The following B4GALNT2 variants were observed in gnomAD, a reference collection of about 807,000 sequenced individuals.
B4GALNT2 encodes beta-1,4-N-acetyl-galactosaminyltransferase 2 (SID blood group), also known as N-acetylneuraminylgalactosylglucosyl-glucoside beta-1,4-N- acetylgalactosaminyltransferase 2.
Under a neutral mutation model 51.1 loss-of-function variants are expected in B4GALNT2, and 42 were observed. That is an observed-to-expected ratio of 0.82 (90% CI 0.64 to 1.06). B4GALNT2 has a LOEUF of 1.06. Ranked by LOEUF, B4GALNT2 falls within the 50% of genes least tolerant of loss-of-function variation. The probability of loss-of-function intolerance (pLI) is 0.00; values close to 1 mark genes in which losing one functional copy is unlikely to be tolerated. For synonymous variants in B4GALNT2, 253 were observed against 251.7 expected (o/e 1.01, Z -0.05); for missense variants, 602 against 633.6 (o/e 0.95, Z 0.54).
At chr17:49,166,035 T>C in intron 8 of B4GALNT2, 79 bp from the exon 9 acceptor site, 1 of 1,488,674 alleles carries the variant, frequency 6.7e-7, no homozygotes, top group South Asian at 1.3e-5. Flanking sequence ...AGCCTGGCTG[T>C]TGGGAATTTA....
In B4GALNT2 at chr17:49,141,304, T is replaced by C; in HGVS notation, c.72T>C (p.Val24=). 6.2e-7 allele frequency: 1 copy of C among 1,614,164 alleles called. No homozygotes were observed. Among genetic ancestry groups the C allele is most frequent in the Non-Finnish European group, 8.5e-7 (1 of 1,180,008 alleles). ...ILVIILVLGI[V]GFMFGSMFLQ... is the part of the protein sequence containing the mutation. ...TCATAATCCTGGTACTTGGCATTGT[T>C]GGATTTATGTTCGGAAGCATGTTCC... Residue 24 remains valine, a synonymous_variant, in exon 2 of 11, where the codon GTT becomes GTC. Transcript: ENST00000393354.
chr17:49,151,744 C>CA (rs58844179), intron 3 of B4GALNT2, among the ~76,000 whole-genome samples: 1,324 of 99,086 alleles, frequency 0.013, 11 homozygotes, highest in Non-Finnish European at 0.019. Context: ...GACTCTGTCA[C>CA]AAAAAAAAAA....
the B4GALNT2 span, among the ~76,000 whole-genome samples, chr17:49,125,332 G>C: frequency 2.4e-4 from 37 of 152,110 alleles, no homozygotes; most frequent in Admixed American, 1.4e-3. Context: ...GCTAATTTTT[G>C]TATTTTTAAT....
At position 49,172,501 on chromosome 17, in the gene B4GALNT2, A is replaced by T. The variant is rs1318532637; in HGVS notation, c.*2773A>T. 1 of 153,324 alleles carries T rather than the reference A, an allele frequency of 6.5e-6. No individual in the cohort carries two copies. The highest frequency in any genetic ancestry group is 1.5e-5 in the Non-Finnish European group (1 of 68,098). 9.5% of individuals were successfully genotyped at this position (153,324 alleles called of 1,614,324 possible). On this transcript the variant is annotated 3_prime_UTR_variant, in exon 11 of 11. Transcript: ENST00000393354. ...GCTGGCCTTTAAGCAGGCTCAAAAA[A>T]TTTAAAGTCAATAATGCTAGAATCA...
Position 49,168,886 on chromosome 17 carries a change from G to A in B4GALNT2, c.1301G>A (p.Arg434Gln), listed in dbSNP as rs779178371. The A allele has an allele frequency of 5.3e-5, 86 of 1,612,366 alleles. No individual in the cohort carries two copies. Among genetic ancestry groups the A allele is most frequent in the Middle Eastern group, 2.1e-4 (1 of 4,834 alleles). Residue 434 changes from arginine to glutamine, a missense_variant, in exon 10 of 11, where the codon CGA (arginine) becomes CAA (glutamine). By Grantham distance (43) the Arg-to-Gln change is conservative. Transcript: ENST00000393354. ...GTTGGCTTTGATCCCCGCCTGCAAC[G>A]AGTGGCTCACTCAGGTGGGAAGGCT... ...QRVGFDPRLQ[R>Q]VAHSEFFIDG...
intron 4 of B4GALNT2, among the ~76,000 whole-genome samples, chr17:49,155,079 C>A (rs143052734): frequency 2.3e-4 from 35 of 151,940 alleles, no homozygotes; most frequent in African/African-American, 5.8e-4. Flanking sequence ...GGGGCTGAGG[C>A]GGATGGATCA....
intron 3 of B4GALNT2, among the ~76,000 whole-genome samples, chr17:49,149,462 A>G (rs1171642427): frequency 6.6e-6 from 1 of 152,150 alleles, no homozygotes; most frequent in Non-Finnish European, 1.5e-5. Context: ...CCTGGCCAAC[A>G]TGGTGAAACC....
intron 9 of B4GALNT2, among the ~76,000 whole-genome samples, chr17:49,167,365 C>A (rs1475734546): frequency 6.6e-6 from 1 of 152,206 alleles, no homozygotes; most frequent in Admixed American, 6.5e-5. Flanking sequence ...CTAAATCATA[C>A]CCCTTCAGCC....
chr17:49,125,698 G>C, the B4GALNT2 span, among the ~76,000 whole-genome samples: 1 of 102,378 alleles, frequency 9.8e-6, no homozygotes, highest in East Asian at 2.2e-4. Flanking sequence ...GTCTGGGAGG[G>C]AGGTGGGGGT....
intron 7 of B4GALNT2, 107 bp downstream of exon 7, chr17:49,160,748 C>A: frequency 2.0e-6 from 2 of 1,004,032 alleles, no homozygotes; most frequent in Non-Finnish European, 3.1e-6. Context: ...AAAATGACAG[C>A]TCTGATATGC....
intron 7 of B4GALNT2, among the ~76,000 whole-genome samples, chr17:49,161,760 G>C (rs2042867014): frequency 6.6e-6 from 1 of 151,422 alleles, no homozygotes; most frequent in Non-Finnish European, 1.5e-5. Context: ...GGGAGGCTGA[G>C]GCAGGAGTAT....
chr17:49,126,644 TTC>T, the B4GALNT2 span, among the ~76,000 whole-genome samples: 3 of 141,342 alleles, frequency 2.1e-5, no homozygotes, highest in African/African-American at 5.2e-5. Context: ...TTTTTTTTCT[TTC>T]TTTCTTTTTT....
At chr17:49,126,089 C>T in the B4GALNT2 span, among the ~76,000 whole-genome samples, 5 of 152,168 alleles carry the variant, frequency 3.3e-5, no homozygotes, top group East Asian at 1.9e-4. Flanking sequence ...ATTGAGAAAT[C>T]GGATGGTTGC....
chr17:49,134,746 C>A lies in B4GALNT2; in HGVS notation c.14+1940C>A, dbSNP rs565646872. 2.6e-4 allele frequency among the ~76,000 whole-genome samples: 39 copies of A among 152,270 alleles called. 1 individual carries two copies. The South Asian group carries it at 8.1e-3, about 32-fold the overall frequency. ...GAAATTACAGGCGCACGCCACCACG[C>A]CCTGCTAATTTCTTTTGTATTTTTA... On this transcript the variant is annotated intron_variant, in intron 1 of 10. Transcript: ENST00000393354.
rs562034543 is a variant in B4GALNT2, at chr17:49,161,856, C to CAAAAACAA, written c.766+1230_766+1237dup. Among the ~76,000 whole-genome samples, 39 of 149,828 alleles carry CAAAAACAA rather than the reference C, an allele frequency of 2.6e-4. 2 individuals are homozygous for CAAAAACAA. In the South Asian group the frequency reaches 7.2e-3, roughly 28 times the overall value. ...TGAGCAACAGGGCAAGACTCCGTCTCAAAAACAAAAAAACAAAAAAACTTG... is the reference window on the plus strand; with the variant it reads ...TGAGCAACAGGGCAAGACTCCGTCTCAAAAACAAAAAAACAAAAAAACAAAAAAACTTG... On this transcript the variant is annotated intron_variant, in intron 7 of 10. Coordinates refer to ENST00000393354, the MANE Select transcript of B4GALNT2 (RefSeq NM_001159387.2).
chr17:49,157,781 C>T (rs1340498053), intron 5 of B4GALNT2, among the ~76,000 whole-genome samples: 1 of 152,148 alleles, frequency 6.6e-6, no homozygotes, highest in Non-Finnish European at 1.5e-5. Flanking sequence ...TCTTCGTAGT[C>T]CTGCTCTGGA....
intron 1 of B4GALNT2, among the ~76,000 whole-genome samples, chr17:49,134,643 A>G (rs2042574220): frequency 6.6e-6 from 1 of 152,098 alleles, no homozygotes; most frequent in African/African-American, 2.4e-5. Context: ...GCTGGAGTGC[A>G]GTGGCGCAAT....
chr17:49,120,730 AAATTCCT>A, the B4GALNT2 span, among the ~76,000 whole-genome samples: 1 of 151,896 alleles, frequency 6.6e-6, no homozygotes, highest in East Asian at 1.9e-4. Context: ...GGCTGGTCTC[AAATTCCT>A]GGGTTCAAGT....
chr17:49,172,094 A>T lies in B4GALNT2; in HGVS notation c.*2366A>T, dbSNP rs2042960998. ...ATCTATCATTAAATTACTCATTGTG[A>T]CTGGTTGTCCCACTTTCCTCAGGTT... On this transcript the variant is annotated 3_prime_UTR_variant, in exon 11 of 11. Coordinates refer to ENST00000393354, the MANE Select transcript of B4GALNT2 (RefSeq NM_001159387.2). 6.6e-6 allele frequency: 2 copies of T among 304,098 alleles called. No homozygotes were observed. The highest frequency in any genetic ancestry group is 1.2e-5 in the Non-Finnish European group (2 of 166,832). The allele number at this position is 304,098 out of a possible 1,614,324, so 18.8% of individuals were successfully genotyped here.
Sources: allele counts gnomAD v4.1 joint callset (sites outside exome capture counted in the v4.1 genomes callset), GRCh38; gene constraint gnomAD v4.1.1; transcripts MANE v1.5; gene names NCBI Gene and HGNC (gene_info 2026-07-23, HGNC 2026-07-21).